The following PHF14 variants were observed in gnomAD, a reference collection of about 807,000 sequenced individuals.
PHF14 encodes PHD finger protein 14.
A neutral mutation model predicts 117.9 loss-of-function variants in PHF14; 55 were observed. That is an observed-to-expected ratio of 0.47 (90% CI 0.38 to 0.58). PHF14 has a LOEUF of 0.58. PHF14 is among the 20% of genes least tolerant of loss of function. PHF14 has a pLI of 0.00. For missense variants in PHF14, 978 were observed against 1,122.2 expected, an observed-to-expected ratio of 0.87 and a Z score of 1.84; for synonymous variants, 409 against 368.6, an observed-to-expected ratio of 1.11 and a Z score of -1.26.
At chr7:11,094,786 T>C (rs1786782361) in intron 16 of PHF14, among the ~76,000 whole-genome samples, 1 of 152,214 alleles carries the variant, frequency 6.6e-6, no homozygotes, top group Non-Finnish European at 1.5e-5. Context: ...CTTCCTCTCA[T>C]GCTCTGCCAC....
intron 17 of PHF14, among the ~76,000 whole-genome samples, chr7:11,158,647 T>C (rs112807225): frequency 6.6e-5 from 10 of 152,144 alleles, no homozygotes; most frequent in Non-Finnish European, 1.0e-4. Context: ...TGATTTCATA[T>C]TTTTGTCAAT....
intron 17 of PHF14, among the ~76,000 whole-genome samples, chr7:11,150,597 G>C (rs1250569681): frequency 2.0e-5 from 3 of 152,032 alleles, no homozygotes; most frequent in Non-Finnish European, 4.4e-5. Flanking sequence ...TTTAAGTAAA[G>C]CTTACTTTAA....
intron 14 of PHF14, among the ~76,000 whole-genome samples, chr7:11,058,695 T>A (rs547721166): frequency 6.6e-6 from 1 of 152,292 alleles, no homozygotes; most frequent in South Asian, 2.1e-4. Flanking sequence ...AATGTTACAG[T>A]TTAGTTTAAG....
At chr7:11,059,540 C>G (rs1785137263) in intron 14 of PHF14, among the ~76,000 whole-genome samples, 1 of 152,154 alleles carries the variant, frequency 6.6e-6, no homozygotes. Flanking sequence ...CTTTGGGAGG[C>G]CAAGGCAGGT....
chr7:11,049,455 A>G (rs1220740748), intron 13 of PHF14, among the ~76,000 whole-genome samples: 1 of 146,276 alleles, frequency 6.8e-6, no homozygotes, highest in African/African-American at 2.6e-5. Flanking sequence ...AGCCTGGGCG[A>G]CTTAGCAAGA....
intron 16 of PHF14, among the ~76,000 whole-genome samples, chr7:11,075,818 G>A (rs1463090226): frequency 6.6e-6 from 1 of 151,984 alleles, no homozygotes; most frequent in Non-Finnish European, 1.5e-5. Context: ...GAAGAATAGA[G>A]CTTAAGTAAC....
At chr7:10,992,815 AAATC>A (rs1329607466) in intron 4 of PHF14, among the ~76,000 whole-genome samples, 3 of 152,330 alleles carry the variant, frequency 2.0e-5, no homozygotes, top group Admixed American at 1.3e-4. Context: ...ATTTCTAACA[AAATC>A]AAAGCCAGGA....
At chr7:11,137,034 A>C (rs1788239962) in intron 17 of PHF14, among the ~76,000 whole-genome samples, 1 of 152,214 alleles carries the variant, frequency 6.6e-6, no homozygotes, top group Admixed American at 6.5e-5. Context: ...GGGGACAAAC[A>C]TTGGTTCTTA....
At chr7:11,144,349 C>G (rs556060069) in intron 17 of PHF14, among the ~76,000 whole-genome samples, 1 of 151,974 alleles carries the variant, frequency 6.6e-6, no homozygotes, top group East Asian at 1.9e-4. Flanking sequence ...TATAACCCAG[C>G]AATCACACTA....
intron 17 of PHF14, among the ~76,000 whole-genome samples, chr7:11,161,526 C>G (rs1789023461): frequency 6.6e-6 from 1 of 151,758 alleles, no homozygotes; most frequent in African/African-American, 2.4e-5. Flanking sequence ...GATTTTTATT[C>G]AATCTGAAAA....
chr7:10,990,661 T>G (rs1436103406), intron 3 of PHF14, 42 bp from the exon 4 acceptor site: 28 of 1,265,740 alleles, frequency 2.2e-5, no homozygotes, highest in Non-Finnish European at 2.8e-5. Context: ...TTTTTTTACT[T>G]TAAATGTGAT....
chr7:11,054,671 G>C (rs1392299709), intron 14 of PHF14, among the ~76,000 whole-genome samples: 1 of 151,990 alleles, frequency 6.6e-6, no homozygotes, highest in Non-Finnish European at 1.5e-5. Context: ...TGAGAGACCA[G>C]GCATACAACA....
At chr7:11,111,087 CTT>C (rs1189985969) in intron 16 of PHF14, 3 of 327,502 alleles carry the variant, frequency 9.2e-6, no homozygotes, top group Non-Finnish European at 1.7e-5. Flanking sequence ...TTCATATGCT[CTT>C]AATATTTCTA....
At chr7:11,019,239 C>A (rs1418209118) in intron 5 of PHF14, among the ~76,000 whole-genome samples, 1 of 152,138 alleles carries the variant, frequency 6.6e-6, no homozygotes, top group African/African-American at 2.4e-5. Context: ...CAGAGTAACA[C>A]TGGCCTCATA....
intron 17 of PHF14, among the ~76,000 whole-genome samples, chr7:11,156,305 T>C (rs1788848906): frequency 6.6e-6 from 1 of 152,224 alleles, no homozygotes. Flanking sequence ...TAAATTTTTC[T>C]TGAAGCAAAT....
chr7:11,120,922 A>G (rs1163796952), intron 17 of PHF14, among the ~76,000 whole-genome samples: 1 of 152,174 alleles, frequency 6.6e-6, no homozygotes, highest in Admixed American at 6.6e-5. Context: ...AAGTGAAGAA[A>G]TATCCAAGAA....
At chr7:11,020,141 T>G (rs2128318010) in intron 5 of PHF14, among the ~76,000 whole-genome samples, 1 of 152,196 alleles carries the variant, frequency 6.6e-6, no homozygotes, top group East Asian at 1.9e-4. Context: ...CAGGCTAAAG[T>G]GCAGTGGCAC....
chr7:11,060,648 C>T (rs948272157), intron 14 of PHF14, among the ~76,000 whole-genome samples: 2 of 152,152 alleles, frequency 1.3e-5, no homozygotes, highest in Admixed American at 1.3e-4. Context: ...CCTTGAGAAG[C>T]AAGTCTCAGT....
Position 11,036,980 on chromosome 7 carries a change from A to T in PHF14, c.1874-5A>T. On this transcript the variant is annotated splice_region_variant and splice_polypyrimidine_tract_variant and intron_variant, in intron 9 of 17. Transcript: ENST00000634607. ...AAAGTAAAATTCGATATTTCATTTA[A>T]ATAGAGAGAAATATGCGCATGATTC... is the stretch of plus-strand genomic sequence containing the variant. 2 of 1,478,450 alleles carry T rather than the reference A, an allele frequency of 1.4e-6. No individual in the cohort carries two copies. Among genetic ancestry groups the T allele is most frequent in the Non-Finnish European group, 1.8e-6 (2 of 1,088,768 alleles). 91.6% of individuals were successfully genotyped at this position (1,478,450 alleles called of 1,614,324 possible). A position where few individuals can be genotyped will look rare whatever the true frequency, so the allele number is the denominator to read the frequency against.
Sources: allele counts gnomAD v4.1 joint callset (sites outside exome capture counted in the v4.1 genomes callset), GRCh38; gene constraint gnomAD v4.1.1; transcripts MANE v1.5; gene names NCBI Gene and HGNC (gene_info 2026-07-23, HGNC 2026-07-21).